Variants in SOCS4 observed in about 807,000 individuals in gnomAD.
The protein encoded by SOCS4 is suppressor of cytokine signaling 4.
A neutral mutation model predicts 34.1 loss-of-function variants in SOCS4; 20 were observed. That is an observed-to-expected ratio of 0.59 (90% CI 0.41 to 0.85). The LOEUF (loss-of-function observed/expected upper bound fraction) is 0.85, where lower values mean the gene tolerates loss of function less well. Among genes scored for constraint, SOCS4 ranks in the 40% least tolerant of loss-of-function variants. The pLI is 0.00. For missense variants in SOCS4, 479 were observed against 532.4 expected (o/e 0.90, Z 0.99); for synonymous variants, 180 against 186.4 (o/e 0.97, Z 0.28).
chr14:55,035,387 A>G (rs935602304), intron 2 of SOCS4, among the ~76,000 whole-genome samples: 50 of 152,208 alleles, frequency 3.3e-4, no homozygotes, highest in African/African-American at 1.2e-3. Context: ...GAAGATGTCA[A>G]ATTTTTCTGT....
At chr14:55,031,048 C>T (rs1179544943) in intron 1 of SOCS4, among the ~76,000 whole-genome samples, 1 of 151,938 alleles carries the variant, frequency 6.6e-6, no homozygotes, top group Non-Finnish European at 1.5e-5. Context: ...TCTGAATGGT[C>T]CATGTATTAT....
At chr14:55,036,695 TTTG>T (rs1455549268) in intron 2 of SOCS4, among the ~76,000 whole-genome samples, 2 of 152,092 alleles carry the variant, frequency 1.3e-5, no homozygotes, top group Admixed American at 6.5e-5. Flanking sequence ...TCCCGTCCAT[TTTG>T]TTGTTGTTTT....
intron 2 of SOCS4, among the ~76,000 whole-genome samples, chr14:55,040,039 C>T (rs17128132): frequency 0.4 from 60,633 of 152,102 alleles, 12,512 homozygotes; most frequent in African/African-American, 0.48. Context: ...TAAATAAAAG[C>T]GCCAAGCATT....
intron 1 of SOCS4, among the ~76,000 whole-genome samples, chr14:55,028,552 G>A (rs889460918): frequency 3.2e-4 from 49 of 152,058 alleles, no homozygotes; most frequent in African/African-American, 1.2e-3. Context: ...GTTGAATAAA[G>A]CGTGGTGAGA....
chr14:55,033,223 T>C (rs1254034991), intron 2 of SOCS4, among the ~76,000 whole-genome samples: 2 of 152,228 alleles, frequency 1.3e-5, no homozygotes, highest in African/African-American at 2.4e-5. Flanking sequence ...TTCAAAAAAC[T>C]AATCTTTAGT....
rs772766779 is a variant in SOCS4, at chr14:55,043,039, A to T, written c.-3A>T. 9.4e-6 allele frequency: 15 copies of T among 1,595,814 alleles called. No individual in the cohort carries two copies. Among genetic ancestry groups the T allele is most frequent in the Non-Finnish European group, 1.2e-5 (14 of 1,171,000 alleles). ...AACATTAGAATCTGGATAATTTGTT[A>T]ACATGGCAGAAAATAATGAAAATAT... is the stretch of plus-strand genomic sequence containing the variant. On this transcript the variant is annotated 5_prime_UTR_variant, in exon 3 of 3. Transcript: ENST00000555846.
chr14:55,039,921 C>T (rs1453337268), intron 2 of SOCS4, among the ~76,000 whole-genome samples: 2 of 152,066 alleles, frequency 1.3e-5, no homozygotes, highest in Non-Finnish European at 2.9e-5. Flanking sequence ...AAAAAGAACA[C>T]AGCTAGAGAG....
rs114495341 is a variant in SOCS4, at chr14:55,037,940, C to G, written c.-90-5012C>G. Among the ~76,000 whole-genome samples, 1,336 of 152,310 alleles carry G rather than the reference C, an allele frequency of 8.8e-3. 21 individuals are homozygous for G. Among genetic ancestry groups the G allele is most frequent in the African/African-American group, 0.031 (1,286 of 41,536 alleles). On this transcript the variant is annotated intron_variant, in intron 2 of 2. Coordinates refer to ENST00000555846, the MANE Select transcript of SOCS4 (RefSeq NM_199421.2). ...TTTGTTATTTCATATATGTTAGAAG[C>G]TTTCCTCAAAAGTCTTATATTAGTC...
chr14:55,030,240 A>G (rs188378720), intron 1 of SOCS4, among the ~76,000 whole-genome samples: 2 of 152,318 alleles, frequency 1.3e-5, no homozygotes, highest in East Asian at 3.8e-4. Flanking sequence ...ATGTAAGCAT[A>G]TGTAATTGTT....
intron 2 of SOCS4, among the ~76,000 whole-genome samples, chr14:55,040,895 T>G (rs2042612372): frequency 6.6e-6 from 1 of 151,304 alleles, no homozygotes; most frequent in Non-Finnish European, 1.5e-5. Context: ...CCAGATGGTT[T>G]TTTTTTTTTT....
chr14:55,043,891 A>G lies in SOCS4; in HGVS notation c.850A>G (p.Asn284Asp). The change falls in exon 3 of 3, where the codon AAC (asparagine) becomes GAC (aspartate). Residue 284 changes from asparagine to aspartate, a missense_variant. Coordinates refer to ENST00000555846, the MANE Select transcript of SOCS4 (RefSeq NM_199421.2). ...LVPDLLQINN[N>D]PCYWGVMDKY... ...ACCAGACCTCCTTCAGATCAATAAC[A>G]ACCCATGTTACTGGGGAGTGATGGA... 6.2e-7 allele frequency: 1 copy of G among 1,614,170 alleles called. No homozygotes were observed. The highest frequency in any genetic ancestry group is 1.1e-5 in the South Asian group (1 of 91,078).
chr14:55,047,650 T>TA lies in SOCS4; in HGVS notation c.*3289dup, dbSNP rs1193685315. ...CTGTGGTCAAAGAATGGCTTTCAGTTAAAGTTTTGACTTCTTATTATAAAT... is the reference window on the plus strand; with the variant it reads ...CTGTGGTCAAAGAATGGCTTTCAGTTAAAAGTTTTGACTTCTTATTATAAAT... On this transcript the variant is annotated 3_prime_UTR_variant, in exon 3 of 3. Transcript: ENST00000555846. The TA allele has an allele frequency of 6.0e-6, 1 of 167,120 alleles. No homozygotes were observed. The highest frequency in any genetic ancestry group is 2.1e-4 in the South Asian group (1 of 4,834). 10.4% of individuals were successfully genotyped at this position (167,120 alleles called of 1,614,324 possible).
chr14:55,031,516 A>C (rs2042528658), intron 1 of SOCS4, among the ~76,000 whole-genome samples: 1 of 152,212 alleles, frequency 6.6e-6, no homozygotes, highest in Non-Finnish European at 1.5e-5. Context: ...TGACAAGAGA[A>C]CCTTTTTTTC....
Position 55,043,006 on chromosome 14 carries a change from GTATTTAT to G in SOCS4, c.-35_-29del. ...TCCTGCTGGAAAAAATGAAAAAGCAGTATTTATAACATTAGAATCTGGATAATTTGTT... is the reference window on the plus strand; with the variant it reads ...TCCTGCTGGAAAAAATGAAAAAGCAGAACATTAGAATCTGGATAATTTGTT... On this transcript the variant is annotated 5_prime_UTR_variant, in exon 3 of 3. An upstream open reading frame in the 5' UTR loses its in-frame stop. Transcript: ENST00000555846. 6.5e-7 allele frequency: 1 copy of G among 1,547,946 alleles called. No individual in the cohort carries two copies.
rs932756899 is a variant in SOCS4 at position 55,049,210 on chromosome 14, A to T, written c.*4846A>T. 13 of 167,064 alleles carry T rather than the reference A, an allele frequency of 7.8e-5. No homozygotes were observed. Among genetic ancestry groups the T allele is most frequent in the African/African-American group, 3.1e-4 (13 of 41,466 alleles). The allele number at this position is 167,064 out of a possible 1,614,324, so 10.3% of individuals were successfully genotyped here. A position where few individuals can be genotyped will look rare whatever the true frequency, so the allele number is the denominator to read the frequency against. ...CTTGAGAGCCATGGTGTAAAACTCA[A>T]GGAGGTTTATTTAAATTATGCTGAC... On this transcript the variant is annotated 3_prime_UTR_variant, in exon 3 of 3. Transcript: ENST00000555846.
At chr14:55,027,783 A>G (rs998717010) in intron 1 of SOCS4, 7 of 152,254 alleles carry the variant, frequency 4.6e-5, no homozygotes, top group Non-Finnish European at 1.5e-5. Context: ...TGCTCAATTA[A>G]TGCTTATTCT....
In SOCS4 at chr14:55,043,206, A is replaced by G. The variant is rs758559856; in HGVS notation, c.165A>G (p.Ile55Met). ...CAGATGCTGAGACAGTGAATGGTAT[A>G]GAGAAAACCGAAGTGTCTTTAAGGA... ...SYSDAETVNGIEKTEVSLRNQ... is the reference protein window; with the variant it reads ...SYSDAETVNGMEKTEVSLRNQ... Residue 55 changes from isoleucine to methionine, a missense_variant, in exon 3 of 3, where the codon ATA (isoleucine) becomes ATG (methionine). Coordinates refer to ENST00000555846, the MANE Select transcript of SOCS4 (RefSeq NM_199421.2). 8.7e-6 allele frequency: 14 copies of G among 1,614,254 alleles called. No individual in the cohort carries two copies. The highest frequency in any genetic ancestry group is 8.5e-6 in the Non-Finnish European group (10 of 1,180,038).
chr14:55,032,388 C>T (rs139545724), intron 2 of SOCS4, among the ~76,000 whole-genome samples: 1 of 152,206 alleles, frequency 6.6e-6, no homozygotes, highest in South Asian at 2.1e-4. Context: ...ATAATGGGCA[C>T]TCATTTTGTT....
rs1395289556 is a variant in SOCS4 at position 55,045,417 on chromosome 14, A to T, written c.*1053A>T. ...TTGAATAAAGATTCCAGAAATAAAC[A>T]TGGAGCTCAGTATTCAGGAAGCTTA... On this transcript the variant is annotated 3_prime_UTR_variant, in exon 3 of 3. Coordinates refer to ENST00000555846, the MANE Select transcript of SOCS4 (RefSeq NM_199421.2). 6.0e-6 allele frequency: 1 copy of T among 167,000 alleles called. No homozygotes were observed. The highest frequency in any genetic ancestry group is 1.5e-5 in the Non-Finnish European group (1 of 68,026). The allele number at this position is 167,000 out of a possible 1,614,324, so 10.3% of individuals were successfully genotyped here. A position where few individuals can be genotyped will look rare whatever the true frequency, so the allele number is the denominator to read the frequency against.
Sources: allele counts gnomAD v4.1 joint callset (sites outside exome capture counted in the v4.1 genomes callset), GRCh38; gene constraint gnomAD v4.1.1; transcripts MANE v1.5; gene names NCBI Gene and HGNC (gene_info 2026-07-23, HGNC 2026-07-21).